RGS3: variants seen among roughly 807,000 people sequenced by gnomAD.
RGS3 encodes the protein regulator of G protein signaling 3, also known as regulator of G-protein signalling 3.
In RGS3, 80 loss-of-function variants were observed where a neutral mutation model predicts 132.6. The ratio of observed to expected loss-of-function variants is 0.60; its 90% CI spans 0.50 to 0.73. The LOEUF (loss-of-function observed/expected upper bound fraction) is 0.73. Among genes scored for constraint, RGS3 ranks in the 30% least tolerant of loss-of-function variants. RGS3 has a pLI of 0.00. For synonymous variants in RGS3, 598 were observed against 620.6 expected (o/e 0.96, Z 0.54); for missense variants, 1,382 against 1,530.8 (o/e 0.90, Z 1.62).
chr9:113,505,415 C>T lies in RGS3; in HGVS notation c.898-27C>T, dbSNP rs184827203. ...AGAGGCAAGAGCCTCCAGCTTCTGG[C>T]AGTGACCGGGCAGGGCTGTGTCCTA... On this transcript the variant is annotated intron_variant, in intron 10 of 24. Transcript: ENST00000350696. The T allele has an allele frequency of 6.0e-5, 96 of 1,609,228 alleles. No individual in the cohort carries two copies. The East Asian group carries it at 2.1e-3, about 36-fold the overall frequency.
At chr9:113,584,538 C>T in intron 20 of RGS3, 111 bp downstream of exon 18, 1 of 1,243,054 alleles carries the variant, frequency 8.0e-7, no homozygotes, top group East Asian at 2.6e-5. Context: ...ATCCTGGCAG[C>T]CTCCCAGCGA....
intron 20 of RGS3, among the ~76,000 whole-genome samples, chr9:113,586,950 A>G (rs1343453200): frequency 1.3e-5 from 2 of 152,236 alleles, no homozygotes; most frequent in African/African-American, 4.8e-5. Flanking sequence ...ATAAATGGTA[A>G]TCATGTTATG....
intron 19 of RGS3, among the ~76,000 whole-genome samples, chr9:113,543,290 T>C (rs886913504): frequency 6.6e-6 from 1 of 152,230 alleles, no homozygotes; most frequent in African/African-American, 2.4e-5. Context: ...TCAGCTGCTA[T>C]GGCCACTTGA....
intron 19 of RGS3, among the ~76,000 whole-genome samples, chr9:113,552,998 C>T (rs187735148): frequency 6.6e-6 from 1 of 152,164 alleles, no homozygotes; most frequent in African/African-American, 2.4e-5. Context: ...AAATAAAACC[C>T]CCATTCCCCA....
chr9:113,454,034 A>C (rs1829313190), intron 1 of RGS3, among the ~76,000 whole-genome samples: 1 of 151,874 alleles, frequency 6.6e-6, no homozygotes, highest in African/African-American at 2.4e-5. Context: ...GGCTAGTCTC[A>C]GACTCCTGGC....
intron 2 of RGS3, chr9:113,461,971 G>A: frequency 6.2e-7 from 1 of 1,601,256 alleles, no homozygotes; most frequent in Non-Finnish European, 8.5e-7. Context: ...CACCTTGCAT[G>A]GAGCATCTTC....
intron 19 of RGS3, among the ~76,000 whole-genome samples, chr9:113,544,106 A>G (rs957316011): frequency 6.6e-6 from 1 of 152,168 alleles, no homozygotes; most frequent in African/African-American, 2.4e-5. Flanking sequence ...TCCCTGCTAC[A>G]TAAATCATGC....
intron 19 of RGS3, among the ~76,000 whole-genome samples, chr9:113,543,369 A>G (rs1832980455): frequency 6.6e-6 from 1 of 152,218 alleles, no homozygotes; most frequent in Non-Finnish European, 1.5e-5. Flanking sequence ...TCAACCTAGG[A>G]AAGATCAGAC....
chr9:113,473,561 C>T (rs577476925), intron 3 of RGS3, among the ~76,000 whole-genome samples: 5 of 152,126 alleles, frequency 3.3e-5, no homozygotes, highest in East Asian at 1.9e-4. Flanking sequence ...TTTAAAAAAA[C>T]GTTTTTGGAG....
chr9:113,492,842 C>T (rs760413969), intron 7 of RGS3, among the ~76,000 whole-genome samples: 24 of 152,144 alleles, frequency 1.6e-4, no homozygotes, highest in African/African-American at 4.6e-4. Flanking sequence ...TGGCAATTTA[C>T]GCTGCCTGAG....
At chr9:113,548,093 A>G (rs950885966) in intron 19 of RGS3, among the ~76,000 whole-genome samples, 1 of 152,362 alleles carries the variant, frequency 6.6e-6, no homozygotes, top group African/African-American at 2.4e-5. Flanking sequence ...AGAACCATAG[A>G]AACTTTGAAT....
rs1405058072 is a variant in RGS3, at chr9:113,537,806, G to T, written c.2037+888G>T. Among the ~76,000 whole-genome samples, 1 of 152,158 alleles carries T rather than the reference G, an allele frequency of 6.6e-6. No homozygotes were observed. The highest frequency in any genetic ancestry group is 1.5e-5 in the Non-Finnish European group (1 of 68,020). On this transcript the variant is annotated intron_variant, in intron 19 of 24. Coordinates refer to ENST00000350696, the Ensembl canonical transcript of RGS3. This position sits in a 1 kb window ranked among gnomAD's most constrained non-coding sequence, Gnocchi z 4.3. ...CAGCAGGCCTATGCAGGGGGCAGTT[G>T]GGGGGCAGGCCTGCTGAAGCAGGAG...
intron 7 of RGS3, among the ~76,000 whole-genome samples, chr9:113,487,041 A>G (rs913937443): frequency 7.0e-5 from 10 of 143,760 alleles, no homozygotes; most frequent in East Asian, 5.9e-4. Flanking sequence ...AACAATAGCA[A>G]TTGCTGACTG....
intron 8 of RGS3, among the ~76,000 whole-genome samples, chr9:113,496,057 G>T (rs1275557541): frequency 6.6e-6 from 1 of 152,196 alleles, no homozygotes; most frequent in Admixed American, 6.5e-5. Context: ...TGTCTTGCCA[G>T]AGAGCAGTTT....
At chr9:113,556,668 T>TC (rs1833579122) in intron 19 of RGS3, among the ~76,000 whole-genome samples, 2 of 151,896 alleles carry the variant, frequency 1.3e-5, no homozygotes, top group Admixed American at 1.3e-4. Flanking sequence ...ACCCTGCCCT[T>TC]CCCCCCAGCA....
At chr9:113,584,163 C>T in exon 20 of RGS3, 1 of 1,614,254 alleles carries the variant, frequency 6.2e-7, no homozygotes, top group African/African-American at 1.3e-5. Flanking sequence ...AGCGCAGCAG[C>T]ATGATCGAGA....
At chr9:113,572,064 C>T (rs547829228) in intron 19 of RGS3, among the ~76,000 whole-genome samples, 24 of 152,192 alleles carry the variant, frequency 1.6e-4, no homozygotes, top group African/African-American at 4.3e-4. Context: ...GGGGAAGGTG[C>T]TCTAGGCAGG....
intron 21 of RGS3, chr9:113,592,569 C>T (rs1835494909): frequency 1.3e-5 from 2 of 152,102 alleles, no homozygotes; most frequent in Non-Finnish European, 2.9e-5. Context: ...CTGCAACCTC[C>T]GCCTCCCAAG....
chr9:113,528,878 T>C (rs554059547), intron 17 of RGS3, among the ~76,000 whole-genome samples: 101 of 152,314 alleles, frequency 6.6e-4, no homozygotes, highest in Middle Eastern at 6.8e-3. Flanking sequence ...GGTCTCTCAC[T>C]GCAGAAATCA....
Sources: allele counts gnomAD v4.1 joint callset (sites outside exome capture counted in the v4.1 genomes callset), GRCh38; gene constraint gnomAD v4.1.1; non-coding constraint Gnocchi (gnomAD v3.1); transcripts MANE v1.5; gene names NCBI Gene and HGNC (gene_info 2026-07-23, HGNC 2026-07-21).